Variants in TGIF1 observed in about 807,000 individuals in gnomAD.
The protein encoded by TGIF1 is homeobox protein TGIF1.
In TGIF1, 4 loss-of-function variants were observed where a neutral mutation model predicts 19.3. The ratio of observed to expected loss-of-function variants is 0.21; its 90% confidence interval spans 0.10 to 0.47. The LOEUF is 0.47. TGIF1 is among the 20% of genes least tolerant of loss of function. The pLI is 0.98. For missense variants in TGIF1, 275 were observed against 341.4 expected, an observed-to-expected ratio of 0.81 and a Z score of 1.53; for synonymous variants, 122 against 129.3, an observed-to-expected ratio of 0.94 and a Z score of 0.38.
At chr18:3,425,005 G>A (rs969943192) in intron 2 of TGIF1, among the ~76,000 whole-genome samples, 1 of 152,186 alleles carries the variant, frequency 6.6e-6, no homozygotes, top group Non-Finnish European at 1.5e-5. Context: ...TCAAACCTGT[G>A]GAAGGGCCAT....
At chr18:3,424,163 G>A (rs538250462) in intron 2 of TGIF1, among the ~76,000 whole-genome samples, 1 of 152,244 alleles carries the variant, frequency 6.6e-6, no homozygotes, top group South Asian at 2.1e-4. Flanking sequence ...ATATCTCATT[G>A]TATTGTAGCT....
chr18:3,417,111 A>T (rs138924841), intron 1 of TGIF1, among the ~76,000 whole-genome samples: 17 of 152,034 alleles, frequency 1.1e-4, no homozygotes, highest in African/African-American at 4.1e-4. Flanking sequence ...ATTTTGTAGC[A>T]CTCTAGACGT....
At chr18:3,428,609 C>T (rs1431296443) in intron 2 of TGIF1, among the ~76,000 whole-genome samples, 3 of 151,608 alleles carry the variant, frequency 2.0e-5, no homozygotes, top group African/African-American at 4.8e-5. Context: ...TGGTGGCACG[C>T]GCCTGTAGTC....
chr18:3,425,058 C>T (rs1490491409), intron 2 of TGIF1, among the ~76,000 whole-genome samples: 1 of 152,220 alleles, frequency 6.6e-6, no homozygotes, highest in Admixed American at 6.5e-5. Context: ...GTATTGGTGA[C>T]AACCTACTAC....
Position 3,457,833 on chromosome 18 carries a change from C to G in TGIF1, c.712C>G (p.Pro238Ala). The G allele has an allele frequency of 1.2e-6, 2 of 1,611,866 alleles. No homozygotes were observed. The highest frequency in any genetic ancestry group is 1.7e-6 in the Non-Finnish European group (2 of 1,180,012). ...TQSGLFNTPP[P>A]TPPDLNQDFS... Reference sequence around the variant, plus strand: ...GAGTGGTCTTTTCAACACTCCTCCCCCTACTCCACCGGACCTCAACCAGGA... The same window carrying G: ...GAGTGGTCTTTTCAACACTCCTCCCGCTACTCCACCGGACCTCAACCAGGA... Residue 238 changes from proline to alanine, a missense_variant, in exon 3 of 3, where the codon CCT (proline) becomes GCT (alanine). Coordinates refer to ENST00000343820, the MANE Select transcript of TGIF1 (RefSeq NM_003244.4). This position sits in a 1 kb window ranked among gnomAD's most constrained non-coding sequence, Gnocchi z 4.9.
upstream of TGIF1, among the ~76,000 whole-genome samples, chr18:3,446,730 T>C (rs141119451): frequency 2.0e-3 from 298 of 152,326 alleles, 1 homozygote; most frequent in Non-Finnish European, 3.5e-3. Flanking sequence ...AATGGTCAGC[T>C]CTTTCTTAAG....
chr18:3,414,932 G>A (rs2082311990), intron 1 of TGIF1, among the ~76,000 whole-genome samples: 2 of 152,118 alleles, frequency 1.3e-5, no homozygotes, highest in South Asian at 4.1e-4. Flanking sequence ...ATGTCAGAAA[G>A]ATCAAGGAGA....
intron 1 of TGIF1, among the ~76,000 whole-genome samples, chr18:3,413,579 GT>G (rs11368421): frequency 2.6e-5 from 4 of 151,000 alleles, no homozygotes; most frequent in African/African-American, 7.3e-5. Flanking sequence ...ATTTTATAAG[GT>G]TTTTTTTTGG....
intron 2 of TGIF1, among the ~76,000 whole-genome samples, chr18:3,427,602 C>CTTT (rs60164860): frequency 1.5e-5 from 2 of 137,390 alleles, no homozygotes; most frequent in Non-Finnish European, 1.6e-5. Context: ...AGAATATATT[C>CTTT]TTTTTTTTTT....
In TGIF1 at chr18:3,457,465, C is replaced by G. The variant is rs1452879489; in HGVS notation, c.344C>G (p.Ala115Gly). ...CAGTTCACAATTTCCCGCCGTGGGG[C>G]CAAGATTTCTGAAACGAGCTCTGTG... ...PNQFTISRRG[A>G]KISETSSVES... Residue 115 changes from alanine (A) to glycine (G), a missense_variant, in exon 3 of 3, where the codon GCC (alanine) becomes GGC (glycine). Physicochemically the swap from Ala to Gly is moderately conservative, Grantham distance 60. Coordinates refer to ENST00000343820, the MANE Select transcript of TGIF1 (RefSeq NM_003244.4). The surrounding 1 kb of genome is among the most constrained non-coding windows in gnomAD (Gnocchi z 4.9). 6.2e-7 allele frequency: 1 copy of G among 1,614,208 alleles called. No individual in the cohort carries two copies. The highest frequency in any genetic ancestry group is 1.1e-5 in the South Asian group (1 of 91,076).
rs548731491 is a variant in TGIF1, at chr18:3,450,240, G to C, written c.-250G>C. On this transcript the variant is annotated 5_prime_UTR_variant, in exon 1 of 3. Coordinates refer to ENST00000343820, the MANE Select transcript of TGIF1 (RefSeq NM_003244.4). The stretch of plus-strand genomic sequence containing the variant: ...AGGAGCGGAGAGGGGAGGGGAGAGA[G>C]TTGGGCGAGGGAGAGCCCCCGGCCG... 3.1e-5 allele frequency: 44 copies of C among 1,424,458 alleles called. No homozygotes were observed. The East Asian group carries it at 8.9e-4, about 29-fold the overall frequency. 88.2% of individuals were successfully genotyped at this position (1,424,458 alleles called of 1,614,324 possible). A position where few individuals can be genotyped will look rare whatever the true frequency, so the allele number is the denominator to read the frequency against.
At chr18:3,450,085 C>G, upstream of TGIF1, 1 of 1,044,732 alleles carries the variant, frequency 9.6e-7, no homozygotes, top group Non-Finnish European at 1.2e-6. Flanking sequence ...GGGGGAGGGG[C>G]GGAGGAGCGG....
upstream of TGIF1, chr18:3,449,431 G>C: frequency 1.0e-6 from 1 of 985,482 alleles, no homozygotes; most frequent in South Asian, 4.7e-5. Context: ...AGCGTGACAA[G>C]TGTCTGTCCG....
At chr18:3,440,179 G>A (rs1159798949) in intron 2 of TGIF1, among the ~76,000 whole-genome samples, 2 of 151,876 alleles carry the variant, frequency 1.3e-5, no homozygotes, top group East Asian at 1.9e-4. Flanking sequence ...GGCAAAACCC[G>A]GTCTCTACTA....
intron 1 of TGIF1, among the ~76,000 whole-genome samples, chr18:3,416,545 C>T (rs762587635): frequency 6.6e-6 from 1 of 151,940 alleles, no homozygotes; most frequent in Non-Finnish European, 1.5e-5. Flanking sequence ...TTTGCAGGCT[C>T]TCTGTCTAGG....
At position 3,456,092 on chromosome 18, in the gene TGIF1, C is replaced by G. The variant is rs2049344151; in HGVS notation, c.17-262C>G. The G allele has an allele frequency of 3.8e-6, 2 of 523,714 alleles. No individual in the cohort carries two copies. The highest frequency in any genetic ancestry group is 6.3e-5 in the Admixed American group (2 of 31,622). 32.4% of individuals were successfully genotyped at this position (523,714 alleles called of 1,614,324 possible). A position where few individuals can be genotyped will look rare whatever the true frequency, so the allele number is the denominator to read the frequency against. ...ACGAAAGAGTTTTCTGACCATCATT[C>G]AAAAGGAATGTGAGAAGTTAATGAA... On this transcript the variant is annotated intron_variant, in intron 1 of 2. Transcript: ENST00000343820. The surrounding 1 kb of genome is among the most constrained non-coding windows in gnomAD (Gnocchi z 4.2).
Position 3,414,522 on chromosome 18 carries a change from C to T in TGIF1, c.-118+2268C>T, listed in dbSNP as rs192422836. Among the ~76,000 whole-genome samples, 132 of 152,182 alleles carry T rather than the reference C, an allele frequency of 8.7e-4. 1 individual carries two copies. Among genetic ancestry groups the T allele is most frequent in the Non-Finnish European group, 5.1e-4 (35 of 68,000 alleles). On this transcript the variant is annotated intron_variant, in intron 1 of 3. Coordinates refer to the TGIF1 transcript ENST00000401449. ...CAGTTGGGTTGGTGATCCTGTTTACCGTGAATCTAATCTTGTACTTTCTTA... is the reference window on the plus strand; with the variant it reads ...CAGTTGGGTTGGTGATCCTGTTTACTGTGAATCTAATCTTGTACTTTCTTA...
chr18:3,448,358 C>T (rs1022729743), upstream of TGIF1: 2 of 1,008,514 alleles, frequency 2.0e-6, no homozygotes, highest in African/African-American at 3.5e-5. Flanking sequence ...AGCGAGGCGG[C>T]CCCCTCTAAC....
Position 3,456,186 on chromosome 18 carries a change from A to C in TGIF1, c.17-168A>C. On this transcript the variant is annotated intron_variant, in intron 1 of 2. Transcript: ENST00000343820. This position sits in a 1 kb window ranked among gnomAD's most constrained non-coding sequence, Gnocchi z 4.2. The stretch of plus-strand genomic sequence containing the variant: ...GAGAGCCTCCTATGTGGTGCTAGTC[A>C]AACTACTTTTACTTGGACCCTGAAT... 1 of 767,660 alleles carries C rather than the reference A, an allele frequency of 1.3e-6. No individual in the cohort carries two copies. The highest frequency in any genetic ancestry group is 2.4e-5 in the East Asian group (1 of 41,032). 47.6% of individuals were successfully genotyped at this position (767,660 alleles called of 1,614,324 possible). A position where few individuals can be genotyped will look rare whatever the true frequency, so the allele number is the denominator to read the frequency against.
Sources: gnomAD v4.1 joint callset for allele counts (sites outside exome capture counted in the v4.1 genomes callset) on GRCh38, gnomAD v4.1.1 for gene constraint, Gnocchi (gnomAD v3.1) non-coding constraint, MANE v1.5 for transcripts, NCBI Gene and HGNC (gene_info 2026-07-23, HGNC 2026-07-21) for gene names.